The following KLF17 variants were observed in gnomAD, a reference collection of about 807,000 sequenced individuals.
The protein encoded by KLF17 is KLF transcription factor 17.
In KLF17, 31 loss-of-function variants were observed where a neutral mutation model predicts 34.2. That is an observed-to-expected ratio of 0.91 (90% confidence interval 0.68 to 1.22). The LOEUF is 1.22. Ranked by LOEUF, KLF17 falls within the 50% of genes most tolerant of loss-of-function variation. KLF17 has a pLI of 0.00. For synonymous variants in KLF17, 179 were observed against 186.7 expected, an observed-to-expected ratio of 0.96 and a Z score of 0.34; for missense variants, 478 against 505.2, an observed-to-expected ratio of 0.95 and a Z score of 0.52.
the KLF17 span, among the ~76,000 whole-genome samples, chr1:44,093,699 A>G: frequency 6.6e-6 from 1 of 152,038 alleles, no homozygotes; most frequent in South Asian, 2.1e-4. Flanking sequence ...TCATCTTTAT[A>G]CGATTTTTTA....
At chr1:44,075,026 TCATGCCTGTAATC>T in the KLF17 span, 1 of 152,134 alleles carries the variant, frequency 6.6e-6, no homozygotes, top group Admixed American at 6.5e-5. Flanking sequence ...GTGCGACGGC[TCATGCCTGTAATC>T]CCAGTGCTTT....
the KLF17 span, among the ~76,000 whole-genome samples, chr1:44,086,793 G>A: frequency 6.6e-6 from 1 of 152,152 alleles, no homozygotes; most frequent in African/African-American, 2.4e-5. Flanking sequence ...GTTCTCTCCT[G>A]GTGGCCTCCA....
At chr1:44,118,159 A>G (rs1198667712), upstream of KLF17, among the ~76,000 whole-genome samples, 1 of 152,038 alleles carries the variant, frequency 6.6e-6, no homozygotes, top group Non-Finnish European at 1.5e-5. Context: ...CATAGCACTC[A>G]CCACCACCTA....
the KLF17 span, among the ~76,000 whole-genome samples, chr1:44,047,157 AT>A: frequency 3.4e-4 from 51 of 150,818 alleles, no homozygotes; most frequent in Non-Finnish European, 6.9e-4. Flanking sequence ...GCTTGTTTTT[AT>A]TTTAAAATGT....
In KLF17 at chr1:44,129,868, T is replaced by C; in HGVS notation, c.597T>C (p.Thr199=). 1 of 1,614,196 alleles carries C rather than the reference T, an allele frequency of 6.2e-7. No individual in the cohort carries two copies. Among genetic ancestry groups the C allele is most frequent in the East Asian group, 2.2e-5 (1 of 44,868 alleles). ...ETLLGPTVPS[T]EAQAVLPSMA... Reference sequence around the variant, plus strand: ...TGTTGGGCCCGACTGTGCCTTCCACTGAGGCCCAGGCAGTGCTCCCCTCCA... The same window carrying C: ...TGTTGGGCCCGACTGTGCCTTCCACCGAGGCCCAGGCAGTGCTCCCCTCCA... The change falls in exon 2 of 4, where the codon ACT becomes ACC. Residue 199 remains threonine, a synonymous_variant. Coordinates refer to ENST00000372299, the MANE Select transcript of KLF17 (RefSeq NM_173484.4).
At chr1:44,072,267 G>A in the KLF17 span, among the ~76,000 whole-genome samples, 1 of 152,022 alleles carries the variant, frequency 6.6e-6, no homozygotes, top group Admixed American at 6.6e-5. Flanking sequence ...AGACAAGGAG[G>A]ACAGTTTTAG....
chr1:44,103,475 G>T, the KLF17 span: 27 of 897,958 alleles, frequency 3.0e-5, no homozygotes, highest in Admixed American at 5.1e-5. Flanking sequence ...TGAGGCCGGG[G>T]CTCGTGAGGC....
chr1:44,099,901 GAAAGAAA>G, the KLF17 span, among the ~76,000 whole-genome samples: 2 of 69,408 alleles, frequency 2.9e-5, no homozygotes, highest in Non-Finnish European at 6.1e-5. Context: ...AAGAAAGAAA[GAAAGAAA>G]GAAAGAAAGA....
rs2154311812 is a variant in KLF17 at position 44,130,070 on chromosome 1, A to G, written c.799A>G (p.Arg267Gly). 3 of 1,614,224 alleles carry G rather than the reference A, an allele frequency of 1.9e-6. No individual in the cohort carries two copies. The highest frequency in any genetic ancestry group is 2.5e-6 in the Non-Finnish European group (3 of 1,180,020). ...PAPQTVEKNS[R>G]PQEGTGRRGS... ...TCCACAGACAGTAGAGAAGAACTCC[A>G]GGCCTCAGGAAGGGACTGGTAGAAG... is the stretch of plus-strand genomic sequence containing the variant. Residue 267 changes from arginine (R) to glycine (G), a missense_variant, in exon 2 of 4, where the codon AGG becomes GGG. Coordinates refer to ENST00000372299, the MANE Select transcript of KLF17 (RefSeq NM_173484.4).
chr1:44,080,430 G>C, the KLF17 span, among the ~76,000 whole-genome samples: 8 of 151,196 alleles, frequency 5.3e-5, no homozygotes, highest in African/African-American at 1.9e-4. Flanking sequence ...AGTAGAGACG[G>C]GGTTTCACCA....
chr1:44,087,801 C>T, the KLF17 span, among the ~76,000 whole-genome samples: 11 of 116,478 alleles, frequency 9.4e-5, no homozygotes, highest in African/African-American at 2.4e-4. Flanking sequence ...CACACACACA[C>T]GCATATATAA....
At chr1:44,046,026 A>G in the KLF17 span, 1 of 152,038 alleles carries the variant, frequency 6.6e-6, no homozygotes, top group Non-Finnish European at 1.5e-5. Context: ...TTTTCTTAAT[A>G]TTTCTTAATA....
At chr1:44,124,276 T>G (rs896155482) in intron 1 of KLF17, among the ~76,000 whole-genome samples, 4 of 50,938 alleles carry the variant, frequency 7.9e-5, no homozygotes, top group Non-Finnish European at 1.6e-4. Context: ...TTTGTTTGAT[T>G]TTTTTTTTTG....
intron 1 of KLF17, chr1:44,122,124 T>C (rs1429352357): frequency 1.3e-5 from 18 of 1,343,000 alleles, no homozygotes; most frequent in African/African-American, 1.0e-4. Context: ...AAATCCCGTA[T>C]GACTTTGAAA....
At chr1:44,111,139 C>T in the KLF17 span, among the ~76,000 whole-genome samples, 2 of 151,076 alleles carry the variant, frequency 1.3e-5, no homozygotes, top group Non-Finnish European at 2.9e-5. Context: ...GTGCACACCA[C>T]CACTCCCAGC....
At chr1:44,088,107 T>TTTTATTTA in the KLF17 span, 193 of 182,704 alleles carry the variant, frequency 1.1e-3, no homozygotes, top group African/African-American at 3.0e-3. Context: ...GCACTCTTAT[T>TTTTATTTA]TTTATTTATT....
the KLF17 span, among the ~76,000 whole-genome samples, chr1:44,111,390 C>T: frequency 6.7e-6 from 1 of 149,136 alleles, no homozygotes; most frequent in Non-Finnish European, 1.5e-5. Context: ...TATCCATAAA[C>T]AATTTCTACT....
chr1:44,080,495 C>A, the KLF17 span, among the ~76,000 whole-genome samples: 1 of 152,178 alleles, frequency 6.6e-6, no homozygotes, highest in Admixed American at 6.5e-5. Context: ...GCCTTGGCCT[C>A]CCAAAGTGCT....
intron 1 of KLF17, among the ~76,000 whole-genome samples, chr1:44,125,134 G>C (rs1295264987): frequency 6.6e-6 from 1 of 152,106 alleles, no homozygotes; most frequent in Non-Finnish European, 1.5e-5. Flanking sequence ...TCTTATGACA[G>C]ATTTCTTCAC....
Sources: gnomAD v4.1 joint callset for allele counts (sites outside exome capture counted in the v4.1 genomes callset) on GRCh38, gnomAD v4.1.1 for gene constraint, MANE v1.5 for transcripts, NCBI Gene and HGNC (gene_info 2026-07-23, HGNC 2026-07-21) for gene names.